Variants in NUP155 observed in about 807,000 individuals in gnomAD.
NUP155 encodes the protein nuclear pore complex protein Nup155.
In NUP155, 71 loss-of-function variants were observed where a neutral mutation model predicts 180.4. The observed-to-expected ratio is 0.39, with a 90% CI of 0.33 to 0.48. The LOEUF (loss-of-function observed/expected upper bound fraction) is 0.48. Among genes scored for constraint, NUP155 ranks in the 20% least tolerant of loss-of-function variants. The probability of loss-of-function intolerance (pLI) is 0.91; values close to 1 mark genes in which losing one functional copy is unlikely to be tolerated. For synonymous variants in NUP155, 582 were observed against 559.5 expected (o/e 1.04, Z -0.57); for missense variants, 1,553 against 1,648.9 (o/e 0.94, Z 1.01).
chr5:37,308,540 AC>A (rs1743312762), intron 24 of NUP155, among the ~76,000 whole-genome samples: 1 of 152,032 alleles, frequency 6.6e-6, no homozygotes, highest in Non-Finnish European at 1.5e-5. Flanking sequence ...TACTAAAAAT[AC>A]AAAAAAATTA....
At chr5:37,347,797 T>TA (rs1178637318) in intron 9 of NUP155, among the ~76,000 whole-genome samples, 6 of 151,646 alleles carry the variant, frequency 4.0e-5, no homozygotes, top group Admixed American at 3.3e-4. Flanking sequence ...GGTCAGGAGT[T>TA]AGAGACCAGC....
intron 25 of NUP155, among the ~76,000 whole-genome samples, chr5:37,306,550 C>T (rs1247520247): frequency 6.6e-6 from 1 of 152,188 alleles, no homozygotes; most frequent in Non-Finnish European, 1.5e-5. Context: ...TCACTGCAGC[C>T]TCTGCCTCCC....
rs961745360 is a variant in NUP155, at chr5:37,293,985, A to G, written c.3930+344T>C. Among the ~76,000 whole-genome samples, 14 of 67,048 alleles carry G rather than the reference A, an allele frequency of 2.1e-4. 5 individuals carry two copies. In the African/African-American group the frequency reaches 5.9e-3, roughly 28 times the overall value. The allele number at this position is 67,048 out of a possible 152,430, so 44.0% of individuals were successfully genotyped here. ...CTGCAGTCCGCAGTCCGGCCTGGGCAACAGAGCGAGACGCCGTCTCAAAAA... is the reference window on the plus strand; with the variant it reads ...CTGCAGTCCGCAGTCCGGCCTGGGCGACAGAGCGAGACGCCGTCTCAAAAA... On this transcript the variant is annotated intron_variant, in intron 33 of 34. Coordinates refer to ENST00000231498, the MANE Select transcript of NUP155 (RefSeq NM_153485.3).
At chr5:37,321,406 G>C (rs145387533) in intron 20 of NUP155, among the ~76,000 whole-genome samples, 2 of 151,914 alleles carry the variant, frequency 1.3e-5, no homozygotes, top group Non-Finnish European at 2.9e-5. Flanking sequence ...ATGGGAAGGA[G>C]GTAAATTCTC....
chr5:37,338,412 T>C (rs959282448), intron 11 of NUP155, among the ~76,000 whole-genome samples: 11 of 146,484 alleles, frequency 7.5e-5, no homozygotes, highest in Non-Finnish European at 1.2e-4. Flanking sequence ...ACATCAATCT[T>C]TTTTTTTTTT....
At chr5:37,368,550 T>A (rs1469234958) in intron 1 of NUP155, among the ~76,000 whole-genome samples, 2 of 151,842 alleles carry the variant, frequency 1.3e-5, no homozygotes, top group African/African-American at 4.8e-5. Context: ...CTGGGCACAG[T>A]GGGTGACACC....
At chr5:37,338,310 T>C (rs111504195) in intron 11 of NUP155, among the ~76,000 whole-genome samples, 21,373 of 125,510 alleles carry the variant, frequency 0.17, 1,738 homozygotes, top group South Asian at 0.2. Flanking sequence ...AGAGCAAGAT[T>C]CCGTCTCAAA....
chr5:37,366,804 G>A (rs1747613903), intron 1 of NUP155, among the ~76,000 whole-genome samples: 2 of 151,800 alleles, frequency 1.3e-5, no homozygotes, highest in Non-Finnish European at 2.9e-5. Context: ...GGCGCCTGTT[G>A]CCACGCCAGG....
intron 18 of NUP155, chr5:37,327,162 C>A: frequency 5.5e-6 from 1 of 183,310 alleles, no homozygotes; most frequent in Non-Finnish European, 1.1e-5. Context: ...TAGAATTTGT[C>A]TAGCAGGTTT....
At chr5:37,324,695 C>T (rs193222671) in intron 19 of NUP155, among the ~76,000 whole-genome samples, 76 of 152,192 alleles carry the variant, frequency 5.0e-4, no homozygotes, top group African/African-American at 1.6e-3. Flanking sequence ...CCAGCACATG[C>T]CACCACATAT....
chr5:37,347,132 G>A (rs1169937232), intron 9 of NUP155, among the ~76,000 whole-genome samples: 4 of 152,180 alleles, frequency 2.6e-5, no homozygotes, highest in Non-Finnish European at 5.9e-5. Context: ...GGAGGCTTAG[G>A]TGGGAGAATC....
At chr5:37,353,947 T>C (rs1465146333) in intron 4 of NUP155, among the ~76,000 whole-genome samples, 1 of 152,224 alleles carries the variant, frequency 6.6e-6, no homozygotes, top group African/African-American at 2.4e-5. Flanking sequence ...AAAGTTTGTA[T>C]TATGTGTATT....
chr5:37,371,062 G>T lies in NUP155; in HGVS notation c.-85C>A. 7.0e-7 allele frequency: 1 copy of T among 1,434,422 alleles called. No individual in the cohort carries two copies. The highest frequency in any genetic ancestry group is 9.6e-7 in the Non-Finnish European group (1 of 1,040,774). The allele number at this position is 1,434,422 out of a possible 1,614,324, so 88.9% of individuals were successfully genotyped here. On this transcript the variant is annotated 5_prime_UTR_variant, in exon 1 of 35. Transcript: ENST00000231498. ...AGATCCAAGAAGTTAGCTTAGATCC[G>T]CCGCCTAGGGCGCGCGCGCCAAACG...
intron 4 of NUP155, among the ~76,000 whole-genome samples, chr5:37,354,209 C>T (rs1479362714): frequency 7.0e-6 from 1 of 143,430 alleles, no homozygotes; most frequent in Non-Finnish European, 1.5e-5. Context: ...TGCAGTGGCT[C>T]GATCTCGGCT....
At chr5:37,342,739 T>G in intron 9 of NUP155, 93 bp from the exon 10 acceptor site, 1 of 924,398 alleles carries the variant, frequency 1.1e-6, no homozygotes, top group Non-Finnish European at 1.7e-6. Context: ...TATTTCCATA[T>G]TTTCCTTTTT....
intron 17 of NUP155, 67 bp from the exon 18 acceptor site, chr5:37,327,843 T>G: frequency 6.5e-7 from 1 of 1,545,928 alleles, no homozygotes; most frequent in Non-Finnish European, 8.9e-7. Context: ...CTCTTAATCT[T>G]AATCTTAGAA....
At chr5:37,352,600 G>C (rs1194418721) in intron 5 of NUP155, 137 bp downstream of exon 5, 1 of 672,002 alleles carries the variant, frequency 1.5e-6, no homozygotes, top group Non-Finnish European at 2.7e-6. Context: ...GTGGAAAAGA[G>C]CCTGAGGATT....
At position 37,371,070 on chromosome 5, in the gene NUP155, G is replaced by C. The variant is rs568442250; in HGVS notation, c.-93C>G. On this transcript the variant is annotated 5_prime_UTR_variant, in exon 1 of 35. Transcript: ENST00000231498. ...GAAGTTAGCTTAGATCCGCCGCCTA[G>C]GGCGCGCGCGCCAAACGAGCGCCTT... 2.2e-6 allele frequency: 3 copies of C among 1,387,950 alleles called. No individual in the cohort carries two copies. The highest frequency in any genetic ancestry group is 1.4e-5 in the African/African-American group (1 of 69,948). 86.0% of individuals were successfully genotyped at this position (1,387,950 alleles called of 1,614,324 possible).
At chr5:37,325,330 T>A (rs954544640) in intron 19 of NUP155, among the ~76,000 whole-genome samples, 1 of 152,172 alleles carries the variant, frequency 6.6e-6, no homozygotes, top group Admixed American at 6.5e-5. Flanking sequence ...GAGGGAGATA[T>A]ACTACGCCCC....
Sources: allele counts gnomAD v4.1 joint callset (sites outside exome capture counted in the v4.1 genomes callset), GRCh38; gene constraint gnomAD v4.1.1; transcripts MANE v1.5; gene names NCBI Gene and HGNC (gene_info 2026-07-23, HGNC 2026-07-21).